YARS1: variants seen among roughly 807,000 people sequenced by gnomAD.
YARS1 encodes the protein tyrosine--tRNA ligase, cytoplasmic.
Under a neutral mutation model 62.2 loss-of-function variants are expected in YARS1, and 36 were observed. The ratio of observed to expected loss-of-function variants is 0.58; its 90% CI spans 0.44 to 0.76. The LOEUF is 0.76. Ranked by LOEUF, YARS1 falls within the 30% of genes least tolerant of loss-of-function variation. YARS1 has a pLI of 0.00. For synonymous variants in YARS1, 234 were observed against 244.9 expected (o/e 0.96, Z 0.42); for missense variants, 524 against 639.8 (o/e 0.82, Z 1.95).
At chr1:32,802,239 G>A (rs61798853) in intron 4 of YARS1, among the ~76,000 whole-genome samples, 7 of 152,148 alleles carry the variant, frequency 4.6e-5, no homozygotes, top group South Asian at 2.1e-4. Flanking sequence ...GAGCCACCGC[G>A]CCCGGCCTGT....
intron 6 of YARS1, among the ~76,000 whole-genome samples, chr1:32,787,821 A>T (rs554124244): frequency 6.6e-6 from 1 of 152,186 alleles, no homozygotes; most frequent in Non-Finnish European, 1.5e-5. Flanking sequence ...GGCAATAAAA[A>T]TATTTTAACA....
chr1:32,787,181 GTGCAGTGGCACAATCATGGCTCAC>G, intron 6 of YARS1, 106 bp from the exon 7 acceptor site: 2 of 1,365,750 alleles, frequency 1.5e-6, no homozygotes, highest in Non-Finnish European at 2.0e-6. Flanking sequence ...CCAGGCTGGA[GTGCAGTGGCACAATCATGGCTCAC>G]TGCAGCCTCA....
At chr1:32,800,816 G>C in intron 4 of YARS1, among the ~76,000 whole-genome samples, 1 of 152,212 alleles carries the variant, frequency 6.6e-6, no homozygotes, top group East Asian at 1.9e-4. Context: ...CTCGTGATCT[G>C]CCCGTTTTGG....
intron 1 of YARS1, among the ~76,000 whole-genome samples, chr1:32,816,285 G>A (rs1466584284): frequency 6.6e-6 from 1 of 152,066 alleles, no homozygotes; most frequent in African/African-American, 2.4e-5. Flanking sequence ...CTCTTAGAAG[G>A]AAGCCCAATT....
intron 4 of YARS1, chr1:32,798,082 G>C (rs1471981815): frequency 2.2e-6 from 1 of 455,794 alleles, no homozygotes; most frequent in Non-Finnish European, 4.0e-6. Flanking sequence ...ATGTTGCCCA[G>C]GCTGGCCTTA....
chr1:32,808,674 G>T (rs1363591998), intron 3 of YARS1, among the ~76,000 whole-genome samples: 1 of 152,126 alleles, frequency 6.6e-6, no homozygotes, highest in Non-Finnish European at 1.5e-5. Flanking sequence ...CACATAGCAA[G>T]AATTCAATAT....
chr1:32,802,318 C>T (rs1557460719), intron 4 of YARS1, among the ~76,000 whole-genome samples: 2 of 152,130 alleles, frequency 1.3e-5, no homozygotes, highest in Admixed American at 6.5e-5. Context: ...CAAAGTCACC[C>T]ATGACAGTTA....
At position 32,781,065 on chromosome 1, in the gene YARS1, T is replaced by C. The variant is rs761381786; in HGVS notation, c.1123A>G (p.Ile375Val). The change falls in exon 10 of 13, where the codon ATC becomes GTC. Residue 375 changes from isoleucine to valine, a missense_variant. Ile to Val is a conservative substitution (Grantham distance 29). Coordinates refer to ENST00000373477, the MANE Select transcript of YARS1 (RefSeq NM_003680.4). ...ATGAGTACCTTCTCCACAGTGATGATTTTCCCCACACGGATATCCAGCCGG... is the reference window on the plus strand; with the variant it reads ...ATGAGTACCTTCTCCACAGTGATGACTTTCCCCACACGGATATCCAGCCGG... ...PSRLDIRVGK[I>V]ITVEKHPDAD... 1.9e-6 allele frequency: 3 copies of C among 1,614,136 alleles called. No homozygotes were observed. Among genetic ancestry groups the C allele is most frequent in the Admixed American group, 3.3e-5 (2 of 60,016 alleles).
chr1:32,796,410 G>C (rs943080750), intron 5 of YARS1, among the ~76,000 whole-genome samples: 2 of 150,758 alleles, frequency 1.3e-5, no homozygotes, highest in African/African-American at 4.9e-5. Flanking sequence ...TTGTCACCCA[G>C]TTTGGAGTGT....
chr1:32,805,893 C>T (rs1207807713), intron 4 of YARS1, among the ~76,000 whole-genome samples: 5 of 151,990 alleles, frequency 3.3e-5, no homozygotes, highest in Non-Finnish European at 7.4e-5. Context: ...ACCCGGGAGG[C>T]GGAGGTTGCA....
At chr1:32,786,560 G>T in intron 7 of YARS1, 113 bp from the exon 8 acceptor site, 1 of 1,019,608 alleles carries the variant, frequency 9.8e-7, no homozygotes, top group Non-Finnish European at 1.5e-6. Flanking sequence ...CATATATTCT[G>T]AACTTTATTG....
At chr1:32,781,227 G>T in intron 9 of YARS1, 82 bp from the exon 10 acceptor site, 2 of 1,095,712 alleles carry the variant, frequency 1.8e-6, no homozygotes, top group South Asian at 1.2e-5. Context: ...AAGACACTGA[G>T]ATTAGGTAAG....
intron 6 of YARS1, among the ~76,000 whole-genome samples, chr1:32,789,824 A>T (rs562344638): frequency 2.0e-5 from 3 of 151,790 alleles, no homozygotes; most frequent in African/African-American, 7.3e-5. Context: ...TCCTGACCTC[A>T]GGTGATCCAC....
chr1:32,807,886 A>G (rs898386317), intron 3 of YARS1, among the ~76,000 whole-genome samples: 2 of 152,128 alleles, frequency 1.3e-5, no homozygotes, highest in African/African-American at 4.8e-5. Context: ...TTTTCAACTG[A>G]TATCAAAATT....
intron 6 of YARS1, among the ~76,000 whole-genome samples, chr1:32,789,202 T>A (rs886808527): frequency 6.6e-6 from 1 of 152,222 alleles, no homozygotes; most frequent in African/African-American, 2.4e-5. Flanking sequence ...AACTGTTAGA[T>A]TCTATCCTAA....
chr1:32,797,631 GTTCT>G, intron 5 of YARS1, 128 bp downstream of exon 5: 1 of 809,910 alleles, frequency 1.2e-6, no homozygotes, highest in Admixed American at 1.9e-5. Context: ...TATCCTCAGT[GTTCT>G]CATCTGCAAA....
intron 6 of YARS1, among the ~76,000 whole-genome samples, chr1:32,790,181 CTTTTTTT>C (rs750131866): frequency 3.5e-5 from 4 of 115,416 alleles, no homozygotes; most frequent in Non-Finnish European, 5.4e-5. Flanking sequence ...CCACGCAGGC[CTTTTTTT>C]TTTTTTTTTT....
rs780081206 is a variant in YARS1 at position 32,817,180 on chromosome 1, G to A, written c.57+8C>T. ...CCCAACGGCGCATTTCCAACCCCCA[G>A]GCCTGACCTGCAGGTTCCGGGTGAT... is the stretch of plus-strand genomic sequence containing the variant. On this transcript the variant is annotated splice_region_variant and intron_variant, in intron 1 of 12. Coordinates refer to ENST00000373477, the MANE Select transcript of YARS1 (RefSeq NM_003680.4). 1 of 1,614,152 alleles carries A rather than the reference G, an allele frequency of 6.2e-7. No homozygotes were observed. The highest frequency in any genetic ancestry group is 1.1e-5 in the South Asian group (1 of 91,082).
At chr1:32,804,267 C>A (rs1165823470) in intron 4 of YARS1, among the ~76,000 whole-genome samples, 1 of 152,248 alleles carries the variant, frequency 6.6e-6, no homozygotes, top group Non-Finnish European at 1.5e-5. Context: ...TCCTCCCAGA[C>A]GGGGTGGCCG....
Sources: allele counts gnomAD v4.1 joint callset (sites outside exome capture counted in the v4.1 genomes callset), GRCh38; gene constraint gnomAD v4.1.1; transcripts MANE v1.5; gene names NCBI Gene and HGNC (gene_info 2026-07-23, HGNC 2026-07-21).